UNC80: variants seen among roughly 807,000 people sequenced by gnomAD.
UNC80 encodes the protein protein unc-80 homolog.
Under a neutral mutation model 384.6 loss-of-function variants are expected in UNC80, and 164 were observed. That is an observed-to-expected ratio of 0.43 (90% confidence interval 0.38 to 0.49). UNC80 has a LOEUF of 0.49. Among genes scored for constraint, UNC80 ranks in the 20% least tolerant of loss-of-function variants. UNC80 has a pLI of 0.00. For missense variants in UNC80, 3,330 were observed against 4,143.0 expected (o/e 0.80, Z 5.39); for synonymous variants, 1,486 against 1,527.8 (o/e 0.97, Z 0.64).
chr2:209,789,954 A>G (rs2077692598), intron 6 of UNC80, among the ~76,000 whole-genome samples: 1 of 151,862 alleles, frequency 6.6e-6, no homozygotes, highest in Non-Finnish European at 1.5e-5. Context: ...CCTTGTTCTC[A>G]ATTATTGCAT....
intron 22 of UNC80, among the ~76,000 whole-genome samples, chr2:209,866,515 CACACACACACACACACACAGAGAGAG>C (rs2083809864): frequency 7.2e-6 from 1 of 139,496 alleles, no homozygotes; most frequent in African/African-American, 2.8e-5. Flanking sequence ...CACACACACA[CACACACACACACACACACAGAGAGAG>C]AGAGAGAGAG....
chr2:209,807,300 T>C (rs2153826748), intron 7 of UNC80, among the ~76,000 whole-genome samples: 1 of 152,230 alleles, frequency 6.6e-6, no homozygotes, highest in East Asian at 1.9e-4. Flanking sequence ...ACTTTTAGAT[T>C]CAGAGGATAT....
At chr2:209,861,265 T>C (rs188630099) in intron 22 of UNC80, among the ~76,000 whole-genome samples, 87 of 152,366 alleles carry the variant, frequency 5.7e-4, no homozygotes, top group Non-Finnish European at 1.0e-3. Flanking sequence ...AAAGGGATGA[T>C]GAATTTTATC....
At chr2:209,911,446 C>G (rs1331420910) in intron 29 of UNC80, among the ~76,000 whole-genome samples, 1 of 152,176 alleles carries the variant, frequency 6.6e-6, no homozygotes, top group Non-Finnish European at 1.5e-5. Context: ...AGCCCTGATT[C>G]ACTTGTTTTG....
At chr2:209,944,387 C>T (rs1171559831) in intron 45 of UNC80, among the ~76,000 whole-genome samples, 7 of 152,166 alleles carry the variant, frequency 4.6e-5, no homozygotes. Flanking sequence ...ATTTCTACGA[C>T]ACTCAACCAG....
chr2:209,970,053 GGT>G (rs1306772355), intron 53 of UNC80, 162 bp downstream of exon 53: 1 of 910,532 alleles, frequency 1.1e-6, no homozygotes, highest in African/African-American at 1.7e-5. Context: ...ATTTCAAGGT[GGT>G]GTGTGGGGAG....
chr2:209,907,143 T>G (rs563986036), intron 29 of UNC80, among the ~76,000 whole-genome samples: 16 of 152,102 alleles, frequency 1.1e-4, no homozygotes, highest in Non-Finnish European at 2.2e-4. Flanking sequence ...TCAACTAAAT[T>G]ATAATTGTAT....
chr2:209,802,933 C>T (rs1022242115), intron 7 of UNC80, among the ~76,000 whole-genome samples: 1 of 152,166 alleles, frequency 6.6e-6, no homozygotes, highest in Non-Finnish European at 1.5e-5. Context: ...GGTGACTGGT[C>T]TTAGTTTCTG....
chr2:209,968,306 A>C (rs2092792834), intron 52 of UNC80: 1 of 152,204 alleles, frequency 6.6e-6, no homozygotes, highest in Non-Finnish European at 1.5e-5. Context: ...ATAGTTCAAC[A>C]GATTAACACT....
At chr2:209,954,836 G>A (rs913683425) in intron 48 of UNC80, among the ~76,000 whole-genome samples, 4 of 152,128 alleles carry the variant, frequency 2.6e-5, no homozygotes, top group Admixed American at 6.5e-5. Context: ...AGAGGATTGA[G>A]AAATTTGGGA....
chr2:209,932,498 T>C (rs368096314), intron 38 of UNC80, among the ~76,000 whole-genome samples: 97 of 152,280 alleles, frequency 6.4e-4, no homozygotes, highest in African/African-American at 2.3e-3. Context: ...TTTCTTTCGC[T>C]TGCCTGTGTA....
At chr2:209,974,464 A>C (rs1371286587) in intron 56 of UNC80, among the ~76,000 whole-genome samples, 1 of 152,210 alleles carries the variant, frequency 6.6e-6, no homozygotes, top group Non-Finnish European at 1.5e-5. Flanking sequence ...ATATGAGAAG[A>C]CACTTGATGA....
In UNC80 at chr2:209,994,148, C is replaced by G; in HGVS notation, c.9592C>G (p.Gln3198Glu). 1 of 1,551,538 alleles carries G rather than the reference C, an allele frequency of 6.4e-7. No homozygotes were observed. ...APTDALPATG[Q>E]LQGCSPAPSR... Reference sequence around the variant, plus strand: ...AACAGATGCGCTTCCTGCAACAGGCCAACTACAGGGCTGTAGCCCAGCCCC... The same window carrying G: ...AACAGATGCGCTTCCTGCAACAGGCGAACTACAGGGCTGTAGCCCAGCCCC... Residue 3198 changes from glutamine (Q) to glutamate (E), a missense_variant, in exon 64 of 65, where the codon CAA becomes GAA. Coordinates refer to ENST00000673920, the MANE Select transcript of UNC80 (RefSeq NM_001371986.1).
At chr2:209,987,110 AT>A (rs2093305217) in intron 61 of UNC80, among the ~76,000 whole-genome samples, 1 of 152,214 alleles carries the variant, frequency 6.6e-6, no homozygotes, top group African/African-American at 2.4e-5. Flanking sequence ...AGGGAAAATA[AT>A]AAACTCTGCT....
chr2:209,975,644 T>A (rs1358569563), intron 56 of UNC80, among the ~76,000 whole-genome samples: 5 of 152,342 alleles, frequency 3.3e-5, no homozygotes, highest in Admixed American at 2.0e-4. Context: ...CTTCATGGTT[T>A]TATTTTACTT....
At chr2:209,964,785 C>T (rs918529422) in intron 51 of UNC80, among the ~76,000 whole-genome samples, 1 of 57,584 alleles carries the variant, frequency 1.7e-5, no homozygotes, top group Non-Finnish European at 3.8e-5. Context: ...GACTCTGTCT[C>T]AAAAAAAAAA....
chr2:209,939,450 C>A (rs894557692), intron 42 of UNC80, 22 bp from the exon 43 acceptor site: 1 of 1,533,882 alleles, frequency 6.5e-7, no homozygotes, highest in Non-Finnish European at 8.8e-7. Context: ...TTTTTGTCTG[C>A]TCCTGCTTTT....
At chr2:209,913,344 A>C (rs2089165414) in intron 30 of UNC80, among the ~76,000 whole-genome samples, 1 of 152,206 alleles carries the variant, frequency 6.6e-6, no homozygotes, top group South Asian at 2.1e-4. Flanking sequence ...CAATAACCAC[A>C]ATGTATTATG....
rs979315168 is a variant in UNC80, at chr2:209,836,765, C to A, written c.3041+1755C>A. Among the ~76,000 whole-genome samples, 2 of 152,110 alleles carry A rather than the reference C, an allele frequency of 1.3e-5. 1 individual carries two copies. Among genetic ancestry groups the A allele is most frequent in the Admixed American group, 1.3e-4 (2 of 15,270 alleles). ...CTCTAGCTTCTCTGTCTCTTTCCTT[C>A]CCTCCCCTTCTGGCCCTGTGTCCTC... On this transcript the variant is annotated intron_variant, in intron 18 of 64. Coordinates refer to ENST00000673920, the MANE Select transcript of UNC80 (RefSeq NM_001371986.1).
Sources: allele counts gnomAD v4.1 joint callset (sites outside exome capture counted in the v4.1 genomes callset), GRCh38; gene constraint gnomAD v4.1.1; transcripts MANE v1.5; gene names NCBI Gene and HGNC (gene_info 2026-07-23, HGNC 2026-07-21).